The following KLHL40 variants were observed in gnomAD, a reference collection of about 807,000 sequenced individuals.
The protein encoded by KLHL40 is kelch-like protein 40.
In KLHL40, 44 loss-of-function variants were observed where a neutral mutation model predicts 49.7. That is an observed-to-expected ratio of 0.89 (90% CI 0.70 to 1.14). The LOEUF (loss-of-function observed/expected upper bound fraction) is 1.14, where lower values mean the gene tolerates loss of function less well. Ranked by LOEUF, KLHL40 falls within the 50% of genes most tolerant of loss-of-function variation. KLHL40 has a pLI of 0.00. For missense variants in KLHL40, 892 were observed against 850.3 expected (o/e 1.05, Z -0.61); for synonymous variants, 409 against 365.2 (o/e 1.12, Z -1.37).
rs1402508999 is a variant in KLHL40, at chr3:42,686,217, G to T, written c.599G>T (p.Arg200Leu). Reference protein sequence around the residue: ...KEEAVFEAVMRWAGSGDAEAQ... With the variant: ...KEEAVFEAVMLWAGSGDAEAQ... ...GAGGCAGTGTTCGAGGCGGTGATGC[G>T]GTGGGCGGGTAGCGGCGACGCCGAG... Residue 200 changes from arginine (R) to leucine (L), a missense_variant, in exon 1 of 6, where the codon CGG becomes CTG. Transcript: ENST00000287777. The T allele has an allele frequency of 3.8e-6, 6 of 1,561,744 alleles. No homozygotes were observed. The Admixed American group carries it at 7.4e-5, about 19-fold the overall frequency.
chr3:42,688,410 G>C lies in KLHL40; in HGVS notation c.1313+108G>C. 2.5e-6 allele frequency: 3 copies of C among 1,195,306 alleles called. No homozygotes were observed. The highest frequency in any genetic ancestry group is 5.0e-5 in the East Asian group (2 of 39,654). 74.0% of individuals were successfully genotyped at this position (1,195,306 alleles called of 1,614,324 possible). ...ATTTGGAGCTAGAGCCTTGTGCTTA[G>C]AGTGAAGGTGGGCTTGGGTAAGGGC... On this transcript the variant is annotated intron_variant, in intron 2 of 5. Transcript: ENST00000287777. The surrounding 1 kb of genome is among the most constrained non-coding windows in gnomAD (Gnocchi z 4.2).
Position 42,686,196 on chromosome 3 carries a change from C to T in KLHL40, c.578C>T (p.Ala193Val). 6.3e-7 allele frequency: 1 copy of T among 1,576,446 alleles called. No homozygotes were observed. The highest frequency in any genetic ancestry group is 1.3e-5 in the African/African-American group (1 of 74,484). ...GGCCTTAACGTGGAGAAGGAGGAGGCAGTGTTCGAGGCGGTGATGCGGTGG... is the reference window on the plus strand; with the variant it reads ...GGCCTTAACGTGGAGAAGGAGGAGGTAGTGTTCGAGGCGGTGATGCGGTGG... ...SDGLNVEKEE[A>V]VFEAVMRWAG... Residue 193 changes from alanine to valine, a missense_variant, in exon 1 of 6, where the codon GCA (alanine) becomes GTA (valine). Transcript: ENST00000287777.
At chr3:42,689,088 T>C in intron 4 of KLHL40, 34 bp downstream of exon 4, 1 of 1,571,106 alleles carries the variant, frequency 6.4e-7, no homozygotes, top group Non-Finnish European at 8.7e-7. Flanking sequence ...CAAGGACAAC[T>C]GCATGGCTTT....
rs752725392 is a variant in KLHL40, at chr3:42,688,339, G to T, written c.1313+37G>T. 1 of 1,608,842 alleles carries T rather than the reference G, an allele frequency of 6.2e-7. No homozygotes were observed. The highest frequency in any genetic ancestry group is 2.2e-5 in the East Asian group (1 of 44,800). ...TGGGGTGGGGCTGAGCTCCGTGGGG[G>T]TGAGTGGGGCATGGAGGCCGCAGCT... On this transcript the variant is annotated intron_variant, in intron 2 of 5. Transcript: ENST00000287777. This position sits in a 1 kb window ranked among gnomAD's most constrained non-coding sequence, Gnocchi z 4.2.
intron 5 of KLHL40, among the ~76,000 whole-genome samples, chr3:42,691,460 G>T (rs1697366313): frequency 6.6e-6 from 1 of 152,064 alleles, no homozygotes; most frequent in African/African-American, 2.4e-5. Context: ...TTAGCCTCTG[G>T]GGCATCTCCT....
Position 42,686,482 on chromosome 3 carries a change from C to A in KLHL40, c.864C>A (p.Ser288Arg), listed in dbSNP as rs374925596. The change falls in exon 1 of 6, where the codon AGC (serine) becomes AGA (arginine). Residue 288 changes from serine (S) to arginine (R), a missense_variant. Coordinates refer to ENST00000287777, the MANE Select transcript of KLHL40 (RefSeq NM_152393.4). ...CCAAGGAGGCTGATAAGGGCACAAG[C>A]AAAGCCAAAGCAGAGGAGGATGAGG... ...AGAKEADKGT[S>R]KAKAEEDEEA... The A allele has an allele frequency of 1.2e-6, 2 of 1,614,056 alleles. No homozygotes were observed. Among genetic ancestry groups the A allele is most frequent in the Non-Finnish European group, 1.7e-6 (2 of 1,180,002 alleles).
chr3:42,688,737 G>A lies in KLHL40; in HGVS notation c.1421+20G>A. 6.2e-7 allele frequency: 1 copy of A among 1,600,670 alleles called. No homozygotes were observed. On this transcript the variant is annotated intron_variant, in intron 3 of 5. Transcript: ENST00000287777. The surrounding 1 kb of genome is among the most constrained non-coding windows in gnomAD (Gnocchi z 4.2). The stretch of plus-strand genomic sequence containing the variant: ...TGACAGGTGAGGCTGGGCCTGGAGT[G>A]AGTCTGTGGAGCAGAGGTAGAATCT...
rs149512159 is a variant in KLHL40 at position 42,687,829 on chromosome 3, T to C, written c.1153-313T>C. Among the ~76,000 whole-genome samples, 194 of 152,036 alleles carry C rather than the reference T, an allele frequency of 1.3e-3. 3 individuals carry two copies. In the East Asian group the frequency reaches 0.015, roughly 12 times the overall value. ...AGAGGAGGGGGCAGGCAGGCCTCAG[T>C]TGGGAGTTGTTCAGCCTGGGAAAGC... On this transcript the variant is annotated intron_variant, in intron 1 of 5. Transcript: ENST00000287777.
Position 42,685,796 on chromosome 3 carries a change from G to A in KLHL40, c.178G>A (p.Ala60Thr). The change falls in exon 1 of 6, where the codon GCG becomes ACG. Residue 60 changes from alanine to threonine, a missense_variant. Transcript: ENST00000287777. Reference sequence around the variant, plus strand: ...GGCCGCCTGCAGCCCCTACTTCCGGGCGCGCTTTCTAGCCGAGCCGGAGCG... The same window carrying A: ...GGCCGCCTGCAGCCCCTACTTCCGGACGCGCTTTCTAGCCGAGCCGGAGCG... ...VLAACSPYFR[A>T]RFLAEPERAG... 1 of 1,612,326 alleles carries A rather than the reference G, an allele frequency of 6.2e-7. No homozygotes were observed.
intron 4 of KLHL40, 65 bp downstream of exon 4, chr3:42,689,119 A>G: frequency 7.2e-7 from 1 of 1,396,148 alleles, no homozygotes; most frequent in Non-Finnish European, 9.9e-7. Flanking sequence ...CAGCCCCAGC[A>G]GGAGCTGCAG....
At chr3:42,689,804 C>G (rs1697332578) in intron 4 of KLHL40, among the ~76,000 whole-genome samples, 1 of 152,038 alleles carries the variant, frequency 6.6e-6, no homozygotes, top group African/African-American at 2.4e-5. Context: ...TGGGGATCGC[C>G]TTAAAGTGCA....
chr3:42,689,197 G>C (rs1697324111), intron 4 of KLHL40, 143 bp downstream of exon 4: 1 of 752,434 alleles, frequency 1.3e-6, no homozygotes, highest in African/African-American at 1.8e-5. Context: ...CTCCTGATCA[G>C]CAGTGAGGTG....
chr3:42,686,450 G>T lies in KLHL40; in HGVS notation c.832G>T (p.Ala278Ser). ...GAAGAAAAAGAAGGGGAAGGATGGAGCCGGGGCCAAGGAGGCTGATAAGGG... is the reference window on the plus strand; with the variant it reads ...GAAGAAAAAGAAGGGGAAGGATGGATCCGGGGCCAAGGAGGCTGATAAGGG... ...LRKKKKGKDG[A>S]GAKEADKGTS... Residue 278 changes from alanine to serine, a missense_variant, in exon 1 of 6, where the codon GCC (alanine) becomes TCC (serine). Ala to Ser is a moderately conservative substitution (Grantham distance 99, BLOSUM62 1). Coordinates refer to ENST00000287777, the MANE Select transcript of KLHL40 (RefSeq NM_152393.4). The T allele has an allele frequency of 1.2e-6, 2 of 1,613,960 alleles. No individual in the cohort carries two copies. Among genetic ancestry groups the T allele is most frequent in the Non-Finnish European group, 1.7e-6 (2 of 1,179,978 alleles).
Position 42,691,021 on chromosome 3 carries a change from G to A in KLHL40, c.1754+16G>A, listed in dbSNP as rs771808122. Reference sequence around the variant, plus strand: ...ACATCTGGAGGTGAGTCCCACCCTGGGGAGGCAAGGGGGCATCATGAGCAA... The same window carrying A: ...ACATCTGGAGGTGAGTCCCACCCTGAGGAGGCAAGGGGGCATCATGAGCAA... On this transcript the variant is annotated intron_variant, in intron 5 of 5. Coordinates refer to ENST00000287777, the MANE Select transcript of KLHL40 (RefSeq NM_152393.4). 227 of 1,588,840 alleles carry A rather than the reference G, an allele frequency of 1.4e-4. No individual in the cohort carries two copies. Among genetic ancestry groups the A allele is most frequent in the Non-Finnish European group, 1.9e-4 (217 of 1,166,202 alleles).
chr3:42,687,360 C>T (rs1283984536), intron 1 of KLHL40, among the ~76,000 whole-genome samples: 1 of 152,110 alleles, frequency 6.6e-6, no homozygotes, highest in African/African-American at 2.4e-5. Flanking sequence ...TGTTTCCGGC[C>T]AAGGAACGGT....
Position 42,688,854 on chromosome 3 carries a change from C to A in KLHL40, c.1422-15C>A, listed in dbSNP as rs760160425. ...TCCTGCTTCTCTCCACCCATCCCCA[C>A]CCTCCACCCCACAGGAAGTGCCTGA... is the stretch of plus-strand genomic sequence containing the variant. On this transcript the variant is annotated splice_polypyrimidine_tract_variant and intron_variant, in intron 3 of 5. Transcript: ENST00000287777. This position sits in a 1 kb window ranked among gnomAD's most constrained non-coding sequence, Gnocchi z 4.2. 1.2e-6 allele frequency: 2 copies of A among 1,611,386 alleles called. No individual in the cohort carries two copies. Among genetic ancestry groups the A allele is most frequent in the South Asian group, 2.2e-5 (2 of 90,944 alleles).
At position 42,685,789 on chromosome 3, in the gene KLHL40, C is replaced by T. The variant is rs1476023849; in HGVS notation, c.171C>T (p.Tyr57=). The change falls in exon 1 of 6, where the codon TAC becomes TAT. Residue 57 remains tyrosine, a synonymous_variant. Coordinates refer to ENST00000287777, the MANE Select transcript of KLHL40 (RefSeq NM_152393.4). ...HRLVLAACSP[Y]FRARFLAEPE... is the part of the protein sequence containing the mutation. ...TGGTGCTGGCCGCCTGCAGCCCCTA[C>T]TTCCGGGCGCGCTTTCTAGCCGAGC... 6.2e-7 allele frequency: 1 copy of T among 1,612,192 alleles called. No homozygotes were observed. The highest frequency in any genetic ancestry group is 2.2e-5 in the East Asian group (1 of 44,870).
chr3:42,691,846 C>A, intron 5 of KLHL40, 36 bp from the exon 6 acceptor site: 3 of 1,377,884 alleles, frequency 2.2e-6, no homozygotes, highest in Non-Finnish European at 2.1e-6. Flanking sequence ...GCTGACCAAG[C>A]TCTCCATCCT....
rs772005109 is a variant in KLHL40 at position 42,686,524 on chromosome 3, T to C, written c.906T>C (p.Leu302=). 4.3e-6 allele frequency: 7 copies of C among 1,614,124 alleles called. No homozygotes were observed. The highest frequency in any genetic ancestry group is 3.3e-5 in the Admixed American group (2 of 60,026). Residue 302 remains leucine, a synonymous_variant, in exon 1 of 6, where the codon CTT becomes CTC. Transcript: ENST00000287777. The part of the protein sequence containing the change: ...AEEDEEAERI[L]PGILNDTLRF... Reference sequence around the variant, plus strand: ...AGGATGAGGAGGCCGAACGTATCCTTCCTGGGATCCTCAATGACACCCTGC... The same window carrying C: ...AGGATGAGGAGGCCGAACGTATCCTCCCTGGGATCCTCAATGACACCCTGC...
Sources: gnomAD v4.1 joint callset for allele counts (sites outside exome capture counted in the v4.1 genomes callset) on GRCh38, gnomAD v4.1.1 for gene constraint, Gnocchi (gnomAD v3.1) non-coding constraint, MANE v1.5 for transcripts, NCBI Gene and HGNC (gene_info 2026-07-23, HGNC 2026-07-21) for gene names.